MKS1: variants seen among roughly 807,000 people sequenced by gnomAD.
MKS1 encodes MKS transition zone complex subunit 1, also known as tectonic-like complex member MKS1.
MKS1 carries 70 observed loss-of-function variants against 83.7 expected under a neutral mutation model. The observed-to-expected ratio is 0.84, with a 90% CI of 0.69 to 1.02. The LOEUF (loss-of-function observed/expected upper bound fraction) is 1.02. Among genes scored for constraint, MKS1 ranks in the 50% least tolerant of loss-of-function variants. The probability of loss-of-function intolerance (pLI) is 0.00; values close to 1 mark genes in which losing one functional copy is unlikely to be tolerated. For missense variants in MKS1, 681 were observed against 726.9 expected (o/e 0.94, Z 0.73); for synonymous variants, 251 against 273.4 (o/e 0.92, Z 0.81).
intron 2 of MKS1, among the ~76,000 whole-genome samples, chr17:58,217,104 C>T (rs1263576759): frequency 2.0e-5 from 3 of 152,220 alleles, no homozygotes. Flanking sequence ...ATTCTCCTGC[C>T]TCAGCCTCCC....
chr17:58,206,503 G>T lies in MKS1; in HGVS notation c.1452C>A (p.Gly484=). Residue 484 remains glycine (G), a synonymous_variant, in exon 16 of 18, where the codon GGC becomes GGA. Coordinates refer to ENST00000393119, the MANE Select transcript of MKS1 (RefSeq NM_017777.4). The part of the protein sequence containing the change: ...SRFGLRTETT[G]TVTFRLHCLQ... Reference sequence around the variant, plus strand: ...GACAGTGCAAGCGGAAGGTGACAGTGCCTGTGGTCTCTGTGCGGAGTCCAA... The same window carrying T: ...GACAGTGCAAGCGGAAGGTGACAGTTCCTGTGGTCTCTGTGCGGAGTCCAA... The T allele has an allele frequency of 6.2e-7, 1 of 1,614,030 alleles. No individual in the cohort carries two copies. Among genetic ancestry groups the T allele is most frequent in the Non-Finnish European group, 8.5e-7 (1 of 1,180,022 alleles).
chr17:58,212,828 T>C (rs1360588996), intron 8 of MKS1, among the ~76,000 whole-genome samples, 154 bp downstream of exon 8: 1 of 152,232 alleles, frequency 6.6e-6, no homozygotes, highest in East Asian at 1.9e-4. Flanking sequence ...GATCAAAAAC[T>C]TCTGTCTGAT....
intron 9 of MKS1, among the ~76,000 whole-genome samples, chr17:58,211,331 T>C (rs567478691): frequency 5.9e-5 from 9 of 152,380 alleles, no homozygotes; most frequent in African/African-American, 1.4e-4. Flanking sequence ...TCCCTTTAGA[T>C]GGCTGAGGTC....
chr17:58,210,894 C>A (rs1251463010), intron 10 of MKS1, 86 bp downstream of exon 10: 1 of 1,513,594 alleles, frequency 6.6e-7, no homozygotes, highest in Non-Finnish European at 9.2e-7. Context: ...GCAGACAAGG[C>A]CTCTACCAGA....
At position 58,206,013 on chromosome 17, in the gene MKS1, G is replaced by A; in HGVS notation, c.*66C>T. 1 of 1,556,168 alleles carries A rather than the reference G, an allele frequency of 6.4e-7. No homozygotes were observed. Among genetic ancestry groups the A allele is most frequent in the Non-Finnish European group, 8.7e-7 (1 of 1,152,350 alleles). On this transcript the variant is annotated 3_prime_UTR_variant, in exon 18 of 18. Coordinates refer to ENST00000393119, the MANE Select transcript of MKS1 (RefSeq NM_017777.4). ...CTCTAATCAGAAAGACGAAGAGGCA[G>A]GAGAGCACTGGCCTCAGATATCCCC...
Position 58,206,046 on chromosome 17 carries a change from T to C in MKS1, c.*33A>G. 6.3e-7 allele frequency: 1 copy of C among 1,589,542 alleles called. No homozygotes were observed. Among genetic ancestry groups the C allele is most frequent in the Non-Finnish European group, 8.6e-7 (1 of 1,168,968 alleles). On this transcript the variant is annotated 3_prime_UTR_variant, in exon 18 of 18. Coordinates refer to ENST00000393119, the MANE Select transcript of MKS1 (RefSeq NM_017777.4). Reference sequence around the variant, plus strand: ...CTGGCCTCAGATATCCCCCATCTTGTCCTCTTGCACTGTGGGCCAGGGCTG... The same window carrying C: ...CTGGCCTCAGATATCCCCCATCTTGCCCTCTTGCACTGTGGGCCAGGGCTG...
At chr17:58,217,264 C>T (rs1163345894) in intron 2 of MKS1, among the ~76,000 whole-genome samples, 5 of 152,254 alleles carry the variant, frequency 3.3e-5, no homozygotes, top group Non-Finnish European at 7.3e-5. Flanking sequence ...GCTGGGATTA[C>T]AGGCGTGGGC....
At chr17:58,218,525 A>C (rs1969392414) in intron 2 of MKS1, 95 bp downstream of exon 2, 6 of 811,304 alleles carry the variant, frequency 7.4e-6, no homozygotes. Flanking sequence ...ATAACATATC[A>C]GAAGTATAGT....
chr17:58,216,110 T>A lies in MKS1; in HGVS notation c.395A>T (p.Asp132Val). The change falls in exon 4 of 18, where the codon GAT becomes GTT. Residue 132 changes from aspartate to valine, a missense_variant. This residue lies in a region of MKS1 where 365 missense variants were observed against 383.8 expected (regional missense o/e 0.95). Coordinates refer to ENST00000393119, the MANE Select transcript of MKS1 (RefSeq NM_017777.4). ...TACCTCCTCCAAATTGGTGTATCTA[T>A]CAGAGTCAGTGTAGGTAAAGATTCG... ...NRRIFTYTDS[D>V]RYTNLEEHCQ... 1 of 1,614,218 alleles carries A rather than the reference T, an allele frequency of 6.2e-7. No individual in the cohort carries two copies. Among genetic ancestry groups the A allele is most frequent in the African/African-American group, 1.3e-5 (1 of 75,048 alleles).
chr17:58,207,168 C>G lies in MKS1; in HGVS notation c.1324G>C (p.Val442Leu). 6.2e-7 allele frequency: 1 copy of G among 1,614,180 alleles called. No individual in the cohort carries two copies. The highest frequency in any genetic ancestry group is 8.5e-7 in the Non-Finnish European group (1 of 1,180,020). ...STWRPVELGT[V>L]AELRRFFIGG... ...ATGAAAAACCTCCTCAGCTCAGCCACCGTGCCAAGCTCCACAGGTCTCCAC... is the reference window on the plus strand; with the variant it reads ...ATGAAAAACCTCCTCAGCTCAGCCAGCGTGCCAAGCTCCACAGGTCTCCAC... The change falls in exon 15 of 18, where the codon GTG becomes CTG. Residue 442 changes from valine to leucine, a missense_variant. Val to Leu is a conservative substitution (Grantham distance 32, BLOSUM62 1). Around this residue, in one of 3 missense-constraint regions of MKS1, gnomAD observed 310 missense variants for 321.7 expected, o/e 0.96. Transcript: ENST00000393119.
chr17:58,217,475 T>A (rs1277162636), intron 2 of MKS1, among the ~76,000 whole-genome samples: 1 of 152,200 alleles, frequency 6.6e-6, no homozygotes, highest in Non-Finnish European at 1.5e-5. Flanking sequence ...AGACCAAGTG[T>A]AAGGAGAGGA....
chr17:58,212,234 G>T, intron 9 of MKS1, 144 bp downstream of exon 9: 1 of 963,968 alleles, frequency 1.0e-6, no homozygotes, highest in East Asian at 2.4e-5. Flanking sequence ...CACATAACAA[G>T]GACTATATGT....
Position 58,213,028 on chromosome 17 carries a change from T to A in MKS1, c.812A>T (p.His271Leu). Reference sequence around the variant, plus strand: ...CCGCTCCTCCTCCTCCGGCTGTGCGTGGGGGGAAACATTGTCGATCGTATA... The same window carrying A: ...CCGCTCCTCCTCCTCCGGCTGTGCGAGGGGGGAAACATTGTCGATCGTATA... Reference protein sequence around the residue: ...WKYTIDNVSPHAQPEEEERER... With the variant: ...WKYTIDNVSPLAQPEEEERER... The change falls in exon 8 of 18, where the codon CAC (histidine) becomes CTC (leucine). Residue 271 changes from histidine to leucine, a missense_variant. Coordinates refer to ENST00000393119, the MANE Select transcript of MKS1 (RefSeq NM_017777.4). The A allele has an allele frequency of 6.2e-7, 1 of 1,614,092 alleles. No homozygotes were observed. The highest frequency in any genetic ancestry group is 8.5e-7 in the Non-Finnish European group (1 of 1,180,016).
chr17:58,210,383 G>A (rs1050913600), intron 11 of MKS1, among the ~76,000 whole-genome samples: 5 of 152,158 alleles, frequency 3.3e-5, no homozygotes, highest in African/African-American at 1.2e-4. Context: ...CACCCAAGAA[G>A]GATGAGGGGC....
At chr17:58,218,348 T>TGA (rs893059441) in intron 2 of MKS1, among the ~76,000 whole-genome samples, 2 of 145,948 alleles carry the variant, frequency 1.4e-5, no homozygotes, top group African/African-American at 5.1e-5. Flanking sequence ...CTCGGGAGGC[T>TGA]GAGGCAGGAG....
At chr17:58,218,267 T>C (rs986738721) in intron 2 of MKS1, among the ~76,000 whole-genome samples, 1 of 151,310 alleles carries the variant, frequency 6.6e-6, no homozygotes, top group African/African-American at 2.4e-5. Flanking sequence ...GCTAACACGG[T>C]GAAACCCCGC....
chr17:58,206,626 C>T, intron 15 of MKS1, 79 bp from the exon 16 acceptor site: 1 of 1,373,998 alleles, frequency 7.3e-7, no homozygotes, highest in Non-Finnish European at 1.0e-6. Context: ...CACCCCCATT[C>T]TTATTCCCAT....
At chr17:58,206,919 G>T in intron 15 of MKS1, 166 bp downstream of exon 15, 2 of 943,460 alleles carry the variant, frequency 2.1e-6, no homozygotes, top group Non-Finnish European at 3.3e-6. Flanking sequence ...GTAGATATTG[G>T]AACCTGATTC....
chr17:58,208,283 G>C lies in MKS1; in HGVS notation c.1096-109C>G, dbSNP rs762945519. The C allele has an allele frequency of 3.4e-5, 38 of 1,113,744 alleles. No individual in the cohort carries two copies. The African/African-American group carries it at 4.6e-4, about 14-fold the overall frequency. The allele number at this position is 1,113,744 out of a possible 1,614,324, so 69.0% of individuals were successfully genotyped here. ...AGGGAAAAAGAAAAATTATCACCCA[G>C]GTGGGAAATAGGAGTCTGAGATGCA... On this transcript the variant is annotated intron_variant, in intron 12 of 17. Transcript: ENST00000393119.
Sources: gnomAD v4.1 joint callset for allele counts (sites outside exome capture counted in the v4.1 genomes callset) on GRCh38, gnomAD v4.1.1 for gene constraint, gnomAD v4.1.1 regional missense constraint, MANE v1.5 for transcripts, NCBI Gene and HGNC (gene_info 2026-07-23, HGNC 2026-07-21) for gene names.